The following LIG1 variants were observed in gnomAD, a reference collection of about 807,000 sequenced individuals.
LIG1 encodes DNA ligase 1.
Under a neutral mutation model 115.7 loss-of-function variants are expected in LIG1, and 70 were observed. The ratio of observed to expected loss-of-function variants is 0.60; its 90% CI spans 0.50 to 0.74. The LOEUF (loss-of-function observed/expected upper bound fraction) is 0.74, where lower values mean the gene tolerates loss of function less well. Ranked by LOEUF, LIG1 falls within the 30% of genes least tolerant of loss-of-function variation. LIG1 has a pLI of 0.00. For missense variants in LIG1, 1,115 were observed against 1,225.6 expected (o/e 0.91, Z 1.35); for synonymous variants, 487 against 495.3 (o/e 0.98, Z 0.22).
At chr19:48,133,896 G>A (rs2034204479) in intron 17 of LIG1, 85 bp downstream of exon 17, 1 of 1,102,164 alleles carries the variant, frequency 9.1e-7, no homozygotes, top group African/African-American at 1.6e-5. Context: ...AGTTCTGAGA[G>A]GGGCGCCTAC....
intron 18 of LIG1, among the ~76,000 whole-genome samples, chr19:48,132,664 G>A (rs1433257432): frequency 3.3e-5 from 5 of 151,884 alleles, no homozygotes; most frequent in African/African-American, 4.8e-5. Context: ...GGTAGCGGGC[G>A]CCTGTAGTCC....
chr19:48,158,119 G>A (rs1157397141), intron 4 of LIG1, among the ~76,000 whole-genome samples: 1 of 152,206 alleles, frequency 6.6e-6, no homozygotes, highest in African/African-American at 2.4e-5. Context: ...CTCACCAGAA[G>A]CAGATGCTGG....
At chr19:48,116,906 C>T (rs979747915) in intron 26 of LIG1, among the ~76,000 whole-genome samples, 4 of 152,138 alleles carry the variant, frequency 2.6e-5, no homozygotes, top group African/African-American at 9.7e-5. Context: ...TTTGGGAGGC[C>T]GAGGTGGGCG....
rs1239509903 is a variant in LIG1 at position 48,157,001 on chromosome 19, C to A, written c.370+13G>T. ...GCAGGCGACTGAAGGGGCAGGGGCC[C>A]GTGTGTTCTCACCTGTGCGACGCTT... On this transcript the variant is annotated intron_variant, in intron 5 of 27. Transcript: ENST00000263274. The A allele has an allele frequency of 6.4e-7, 1 of 1,567,634 alleles. No individual in the cohort carries two copies. Among genetic ancestry groups the A allele is most frequent in the Non-Finnish European group, 8.7e-7 (1 of 1,144,982 alleles).
At chr19:48,143,747 C>T (rs2034934812) in intron 10 of LIG1, 136 bp downstream of exon 10, 3 of 1,068,418 alleles carry the variant, frequency 2.8e-6, no homozygotes, top group Non-Finnish European at 4.4e-6. Context: ...CTCTCTGTCC[C>T]TTTCAATGCT....
At chr19:48,134,729 G>A (rs1472117959) in intron 16 of LIG1, among the ~76,000 whole-genome samples, 2 of 152,222 alleles carry the variant, frequency 1.3e-5, no homozygotes. Flanking sequence ...TAGCTGGTGT[G>A]GGGTAGGCCT....
At chr19:48,121,403 G>C in intron 23 of LIG1, 81 bp from the exon 24 acceptor site, 28 of 1,291,500 alleles carry the variant, frequency 2.2e-5, no homozygotes, top group Non-Finnish European at 2.7e-5. Context: ...CTCCTCAGTG[G>C]ACTGAGGAGG....
At chr19:48,133,457 C>T in intron 17 of LIG1, 1 of 330,538 alleles carries the variant, frequency 3.0e-6, no homozygotes, top group Non-Finnish European at 5.8e-6. Context: ...CTTTGGAGGG[C>T]AGAGGGACAC....
intron 1 of LIG1, among the ~76,000 whole-genome samples, chr19:48,167,157 A>G (rs1330434802): frequency 1.3e-5 from 2 of 150,682 alleles, no homozygotes; most frequent in Non-Finnish European, 3.0e-5. Flanking sequence ...AATATTAAAG[A>G]TATAAAAAAT....
intron 1 of LIG1, among the ~76,000 whole-genome samples, chr19:48,167,672 A>G (rs2036552093): frequency 6.6e-6 from 1 of 151,908 alleles, no homozygotes; most frequent in African/African-American, 2.4e-5. Context: ...TAAAAATGCA[A>G]AAAATTAGCC....
At chr19:48,164,875 T>C (rs978173620) in intron 2 of LIG1, among the ~76,000 whole-genome samples, 13 of 152,224 alleles carry the variant, frequency 8.5e-5, no homozygotes, top group Non-Finnish European at 1.3e-4. Flanking sequence ...GGCTGTCCTA[T>C]GAATTGAAGG....
In LIG1 at chr19:48,120,112, A is replaced by G. The variant is rs149098177; in HGVS notation, c.2386-922T>C. ...TGGCCAAAACATTTGTGATTTATAA[A>G]AGTCACTTCTGTCACTGATCGTTTA... On this transcript the variant is annotated intron_variant, in intron 24 of 27. Transcript: ENST00000263274. 2.0e-3 allele frequency: 1,804 copies of G among 897,292 alleles called. 2 individuals are homozygous for G. Among genetic ancestry groups the G allele is most frequent in the South Asian group, 2.7e-3 (52 of 19,400 alleles). The allele number at this position is 897,292 out of a possible 1,614,324, so 55.6% of individuals were successfully genotyped here. A position where few individuals can be genotyped will look rare whatever the true frequency, so the allele number is the denominator to read the frequency against.
chr19:48,140,546 C>T (rs748013608), intron 11 of LIG1, among the ~76,000 whole-genome samples: 12 of 152,178 alleles, frequency 7.9e-5, no homozygotes, highest in Non-Finnish European at 1.2e-4. Context: ...GACCTGCCTT[C>T]GCAAGACTCA....
chr19:48,140,489 C>T (rs75439715), intron 11 of LIG1, among the ~76,000 whole-genome samples: 2,092 of 152,278 alleles, frequency 0.014, 25 homozygotes, highest in Non-Finnish European at 0.021. Context: ...GACTCTGAAA[C>T]GAAATTGGTA....
Position 48,125,987 on chromosome 19 carries a change from CAA to C in LIG1, c.2004+1288_2004+1289del, listed in dbSNP as rs56362940. Among the ~76,000 whole-genome samples the C allele has an allele frequency of 5.0e-3, 530 of 105,822 alleles. 1 individual carries two copies. The highest frequency in any genetic ancestry group is 0.016 in the African/African-American group (424 of 26,614). The allele number at this position is 105,822 out of a possible 152,430, so 69.4% of individuals were successfully genotyped here. ...TGGGCAACAGAGTGAGACTCCATCT[CAA>C]AAAAAAAAAAAAAAAAAGATTATCT... On this transcript the variant is annotated intron_variant, in intron 21 of 27. Coordinates refer to ENST00000263274, the MANE Select transcript of LIG1 (RefSeq NM_000234.3).
chr19:48,128,382 A>G (rs1229856458), intron 19 of LIG1, among the ~76,000 whole-genome samples: 1 of 151,916 alleles, frequency 6.6e-6, no homozygotes, highest in African/African-American at 2.4e-5. Flanking sequence ...ATCCCCTCCA[A>G]TCCAGCTTCC....
In LIG1 at chr19:48,170,117, G is replaced by A. The variant is rs1010599782; in HGVS notation, c.-58+124C>T. The A allele has an allele frequency of 7.0e-6, 3 of 428,406 alleles. No homozygotes were observed. The Admixed American group carries it at 7.4e-5, about 11-fold the overall frequency. The allele number at this position is 428,406 out of a possible 1,614,324, so 26.5% of individuals were successfully genotyped here. On this transcript the variant is annotated intron_variant, in intron 1 of 27. Coordinates refer to ENST00000263274, the MANE Select transcript of LIG1 (RefSeq NM_000234.3). ...CTCTTCCGTCTCCACCGCGCTCTCG[G>A]CAGCCTCAGCGTCCCCACGCCCACT... is the stretch of plus-strand genomic sequence containing the variant.
intron 12 of LIG1, 107 bp downstream of exon 12, chr19:48,139,864 C>A: frequency 6.8e-6 from 9 of 1,330,550 alleles, no homozygotes; most frequent in Non-Finnish European, 9.7e-6. Flanking sequence ...TTCTCCTCAA[C>A]CCTGTTTCAC....
rs1248820762 is a variant in LIG1 at position 48,167,028 on chromosome 19, C to T, written c.-57-1405G>A. 5.3e-5 allele frequency among the ~76,000 whole-genome samples: 8 copies of T among 150,492 alleles called. No individual in the cohort carries two copies. The South Asian group carries it at 6.3e-4, about 12-fold the overall frequency. On this transcript the variant is annotated intron_variant, in intron 1 of 27. Coordinates refer to ENST00000263274, the MANE Select transcript of LIG1 (RefSeq NM_000234.3). Reference sequence around the variant, plus strand: ...AAAGAAAGGGTTCTTAATCTGGGGTCCACAAAACCCAGGAGTCCAAGAGCA... The same window carrying T: ...AAAGAAAGGGTTCTTAATCTGGGGTTCACAAAACCCAGGAGTCCAAGAGCA...
Sources: gnomAD v4.1 joint callset for allele counts (sites outside exome capture counted in the v4.1 genomes callset) on GRCh38, gnomAD v4.1.1 for gene constraint, MANE v1.5 for transcripts, NCBI Gene and HGNC (gene_info 2026-07-23, HGNC 2026-07-21) for gene names.